The following ZNF610 variants were observed in gnomAD, a reference collection of about 807,000 sequenced individuals.
The protein encoded by ZNF610 is zinc finger protein 610.
ZNF610 carries 14 observed loss-of-function variants against 14.1 expected under a neutral mutation model. The observed-to-expected ratio is 0.99, with a 90% CI of 0.65 to 1.55. The LOEUF (loss-of-function observed/expected upper bound fraction) is 1.55. Ranked by LOEUF, ZNF610 falls within the 40% of genes most tolerant of loss-of-function variation. The pLI, the probability that ZNF610 is intolerant of heterozygous loss-of-function variation, is 0.00. For missense variants in ZNF610, 530 were observed against 558.0 expected (o/e 0.95, Z 0.51); for synonymous variants, 185 against 187.6 (o/e 0.99, Z 0.11).
upstream of ZNF610, among the ~76,000 whole-genome samples, chr19:52,334,706 A>G (rs1020041475): frequency 2.6e-5 from 4 of 152,008 alleles, no homozygotes; most frequent in African/African-American, 9.7e-5. Context: ...AGGCAGGAGA[A>G]TCACCTGAGG....
intron 5 of ZNF610, among the ~76,000 whole-genome samples, chr19:52,355,580 C>A (rs1055231031): frequency 6.6e-6 from 1 of 152,218 alleles, no homozygotes; most frequent in Non-Finnish European, 1.5e-5. Flanking sequence ...AGAATCAGAT[C>A]CCACAGGCTA....
rs551213269 is a variant in ZNF610 at position 52,349,341 on chromosome 19, C to T, written c.63+106C>T. ...CACTCACCCATGCCTTCCCTCAGTC[C>T]CTTTCATCTCGCTTAGATTCTATCT... On this transcript the variant is annotated intron_variant, in intron 3 of 5. Transcript: ENST00000403906. The T allele has an allele frequency of 3.7e-6, 5 of 1,367,216 alleles. No individual in the cohort carries two copies. In the East Asian group the frequency reaches 1.2e-4, roughly 31 times the overall value. 84.7% of individuals were successfully genotyped at this position (1,367,216 alleles called of 1,614,324 possible).
At chr19:52,343,973 A>G (rs1568646214) in intron 1 of ZNF610, 1 of 152,142 alleles carries the variant, frequency 6.6e-6, no homozygotes, top group East Asian at 1.9e-4. Flanking sequence ...AAGGTGCCAT[A>G]TAACATTCTC....
Position 52,365,994 on chromosome 19 carries a change from T to TC in ZNF610, c.616_617insC (p.Cys206SerfsTer2). 3 of 1,614,134 alleles carry TC rather than the reference T, an allele frequency of 1.9e-6. No homozygotes were observed. The highest frequency in any genetic ancestry group is 2.5e-6 in the Non-Finnish European group (3 of 1,180,032). On this transcript the variant is annotated frameshift_variant, in exon 6 of 6. Coordinates refer to ENST00000403906, the MANE Select transcript of ZNF610 (RefSeq NM_001161425.2). LOFTEE classifies it low-confidence loss of function (END_TRUNC). ...TAGAGGAAAATCTTATGAATATGAA[T>TC]GTAGTGAAGATGGTGAAGTTTTTAG...
intron 1 of ZNF610, among the ~76,000 whole-genome samples, chr19:52,341,460 C>T (rs570122428): frequency 4.9e-4 from 74 of 152,068 alleles, no homozygotes; most frequent in Non-Finnish European, 1.0e-3. Context: ...CAAGCACACG[C>T]CACCATGCGT....
At chr19:52,348,520 C>A (rs1348966734) in intron 2 of ZNF610, among the ~76,000 whole-genome samples, 1 of 152,130 alleles carries the variant, frequency 6.6e-6, no homozygotes, top group African/African-American at 2.4e-5. Flanking sequence ...AGTGAATAGT[C>A]TTCTTTTTGA....
chr19:52,349,252 G>T lies in ZNF610; in HGVS notation c.63+17G>T, dbSNP rs369329011. ...CTTCCTCAGGTAAAGTGATATTCTC[G>T]GTGGTTGGTTCTCTCTGTTTCTTTC... On this transcript the variant is annotated intron_variant, in intron 3 of 5. Transcript: ENST00000403906. The T allele has an allele frequency of 7.4e-6, 12 of 1,611,204 alleles. No homozygotes were observed. Among genetic ancestry groups the T allele is most frequent in the Non-Finnish European group, 1.0e-5 (12 of 1,179,204 alleles).
chr19:52,343,628 G>C (rs1984792534), intron 1 of ZNF610, among the ~76,000 whole-genome samples: 1 of 152,128 alleles, frequency 6.6e-6, no homozygotes, highest in South Asian at 2.1e-4. Context: ...TACAGTTAAT[G>C]TTTGAGTTGT....
rs755400807 is a variant in ZNF610, at chr19:52,354,297, G to A, written c.237G>A (p.Arg79=). ...GTATTATTTCCATGTTGAAGCAAAG[G>A]AGAGAGCCCTTGATTCTGCAAAGTC... ...DLSIISMLKQ[R]REPLILQSQV... is the part of the protein sequence containing the mutation. Residue 79 remains arginine, a synonymous_variant, in exon 5 of 6, where the codon AGG becomes AGA. Transcript: ENST00000403906. 6.2e-7 allele frequency: 1 copy of A among 1,614,150 alleles called. No homozygotes were observed. Among genetic ancestry groups the A allele is most frequent in the Non-Finnish European group, 8.5e-7 (1 of 1,180,038 alleles).
rs976020730 is a variant in ZNF610, at chr19:52,338,989, G to A, written c.-258+2483G>A. ...ACTATCTCTACCATCTCGGAGAGGG[G>A]GATGTGGCAGGACAAAGGTAATAGT... On this transcript the variant is annotated intron_variant, in intron 1 of 5. Transcript: ENST00000403906. Among the ~76,000 whole-genome samples, 8 of 152,096 alleles carry A rather than the reference G, an allele frequency of 5.3e-5. No homozygotes were observed. In the South Asian group the frequency reaches 1.2e-3, roughly 24 times the overall value.
In ZNF610 at chr19:52,366,616, T is replaced by C. The variant is rs1329405563; in HGVS notation, c.1238T>C (p.Leu413Ser). Residue 413 changes from leucine (L) to serine (S), a missense_variant, in exon 6 of 6, where the codon TTA (leucine) becomes TCA (serine). Physicochemically the swap from Leu to Ser is moderately radical, Grantham distance 145. Transcript: ENST00000403906. ...NECDKVFGRK[L>S]YLTNHQRIHT... ...TGTGACAAAGTCTTTGGGCGCAAAT[T>C]ATACCTAACCAACCATCAGAGAATT... 1 of 1,614,002 alleles carries C rather than the reference T, an allele frequency of 6.2e-7. No individual in the cohort carries two copies. The highest frequency in any genetic ancestry group is 8.5e-7 in the Non-Finnish European group (1 of 1,180,026).
intron 5 of ZNF610, among the ~76,000 whole-genome samples, chr19:52,363,591 A>G (rs1216027812): frequency 6.6e-6 from 1 of 152,150 alleles, no homozygotes; most frequent in Non-Finnish European, 1.5e-5. Flanking sequence ...TTCTTGGTGA[A>G]TTGAACCCTT....
chr19:52,339,557 C>T (rs1984569818), intron 1 of ZNF610, among the ~76,000 whole-genome samples: 1 of 146,368 alleles, frequency 6.8e-6, no homozygotes, highest in Admixed American at 6.7e-5. Context: ...ATCCATTAAA[C>T]CTTGAGTCAA....
chr19:52,340,660 T>C (rs1471366630), intron 1 of ZNF610, among the ~76,000 whole-genome samples: 1 of 136,280 alleles, frequency 7.3e-6, no homozygotes, highest in Non-Finnish European at 1.6e-5. Context: ...GTTAATTTTT[T>C]TGTCTAGGAA....
At chr19:52,357,329 A>G (rs1985569945) in intron 5 of ZNF610, among the ~76,000 whole-genome samples, 1 of 152,146 alleles carries the variant, frequency 6.6e-6, no homozygotes, top group Non-Finnish European at 1.5e-5. Flanking sequence ...CCAGCAACAT[A>G]ATGAGACGTT....
In ZNF610 at chr19:52,349,140, T is replaced by A; in HGVS notation, c.-19-14T>A. On this transcript the variant is annotated splice_polypyrimidine_tract_variant and intron_variant, in intron 2 of 5. Coordinates refer to ENST00000403906, the MANE Select transcript of ZNF610 (RefSeq NM_001161425.2). ...TTGATTCCGAGCAGTAATCAGTGTA[T>A]TTTTGACATTTAGGATTGACTTATA... is the stretch of plus-strand genomic sequence containing the variant. 1 of 1,599,722 alleles carries A rather than the reference T, an allele frequency of 6.3e-7. No homozygotes were observed. Among genetic ancestry groups the A allele is most frequent in the Non-Finnish European group, 8.6e-7 (1 of 1,168,008 alleles).
upstream of ZNF610, among the ~76,000 whole-genome samples, chr19:52,333,881 G>C (rs1171499890): frequency 6.6e-6 from 1 of 152,180 alleles, no homozygotes; most frequent in African/African-American, 2.4e-5. Context: ...TTTGATTTGT[G>C]CTTGCTAAAA....
Position 52,352,543 on chromosome 19 carries a change from T to G in ZNF610, c.64-1139T>G, listed in dbSNP as rs115270284. Among the ~76,000 whole-genome samples, 525 of 152,212 alleles carry G rather than the reference T, an allele frequency of 3.4e-3. 3 individuals are homozygous for G. Among genetic ancestry groups the G allele is most frequent in the African/African-American group, 0.012 (501 of 41,560 alleles). ...GTGAGTCACCGCACCGGGCCAAAAC[T>G]TGCTTTCAATATATTCGTATTAGTT... On this transcript the variant is annotated intron_variant, in intron 3 of 5. Transcript: ENST00000403906.
At chr19:52,358,440 C>T (rs1985635719) in intron 5 of ZNF610, among the ~76,000 whole-genome samples, 1 of 152,202 alleles carries the variant, frequency 6.6e-6, no homozygotes. Flanking sequence ...CCTCAGCCTC[C>T]AAAAGTGCTG....
Sources: allele counts gnomAD v4.1 joint callset (sites outside exome capture counted in the v4.1 genomes callset), GRCh38; gene constraint gnomAD v4.1.1; transcripts MANE v1.5; gene names NCBI Gene and HGNC (gene_info 2026-07-23, HGNC 2026-07-21).